The following SEMA6D variants were observed in gnomAD, a reference collection of about 807,000 sequenced individuals.
SEMA6D encodes semaphorin 6D, also known as semaphorin-6D.
Under a neutral mutation model 106.6 loss-of-function variants are expected in SEMA6D, and 35 were observed. The observed-to-expected ratio is 0.33, with a 90% CI of 0.25 to 0.44. The LOEUF is 0.44. Among genes scored for constraint, SEMA6D ranks in the 20% least tolerant of loss-of-function variants. The pLI is 1.00. For synonymous variants in SEMA6D, 499 were observed against 487.7 expected (o/e 1.02, Z -0.31); for missense variants, 1,185 against 1,345.9 (o/e 0.88, Z 1.87).
chr15:47,740,638 G>C (rs561419916), intron 1 of SEMA6D, among the ~76,000 whole-genome samples: 1 of 152,246 alleles, frequency 6.6e-6, no homozygotes, highest in Non-Finnish European at 1.5e-5. Context: ...TTAAAAGAAG[G>C]GTTTCAAAGG....
intron 4 of SEMA6D, among the ~76,000 whole-genome samples, chr15:47,654,398 A>T (rs1044600853): frequency 9.9e-5 from 15 of 152,264 alleles, no homozygotes; most frequent in Non-Finnish European, 2.1e-4. Flanking sequence ...TGTTATCTGT[A>T]TTCTATAGTG....
intron 16 of SEMA6D, 52 bp from the exon 17 acceptor site, chr15:47,766,985 T>C: frequency 9.6e-7 from 1 of 1,041,892 alleles, no homozygotes; most frequent in Non-Finnish European, 1.4e-6. Context: ...CATAAATTTT[T>C]GCTTTCTTTT....
chr15:47,767,170 C>T, intron 17 of SEMA6D, 77 bp downstream of exon 17: 2 of 934,726 alleles, frequency 2.1e-6, no homozygotes, highest in Non-Finnish European at 3.3e-6. Context: ...CTTCTCCCCT[C>T]CTTTTGCGCA....
intron 1 of SEMA6D, among the ~76,000 whole-genome samples, chr15:47,749,068 A>AT (rs2081289806): frequency 7.6e-6 from 1 of 132,048 alleles, no homozygotes; most frequent in Non-Finnish European, 1.6e-5. Flanking sequence ...ATAGTTGTAA[A>AT]TCTTTTTTTT....
intron 3 of SEMA6D, among the ~76,000 whole-genome samples, chr15:47,579,740 A>G (rs1478231949): frequency 1.3e-5 from 2 of 152,172 alleles, no homozygotes; most frequent in African/African-American, 4.8e-5. Context: ...CTGTACTCCA[A>G]TCTAGAAAAC....
At chr15:47,342,711 C>CTATTTTTT (rs1475164853) in intron 1 of SEMA6D, among the ~76,000 whole-genome samples, 3 of 151,874 alleles carry the variant, frequency 2.0e-5, no homozygotes. Context: ...GCTCAAATTA[C>CTATTTTTT]TATTTTTTTA....
At chr15:47,721,783 T>G (rs188951438) in intron 1 of SEMA6D, among the ~76,000 whole-genome samples, 126 of 152,310 alleles carry the variant, frequency 8.3e-4, no homozygotes, top group African/African-American at 2.6e-3. Flanking sequence ...TTTCCTTTTC[T>G]ATTAAGCTTT....
chr15:47,412,827 A>G (rs1421822510), intron 2 of SEMA6D, among the ~76,000 whole-genome samples: 1 of 152,222 alleles, frequency 6.6e-6, no homozygotes, highest in Non-Finnish European at 1.5e-5. Flanking sequence ...GGAGAAAGAA[A>G]GGGAAAATGA....
intron 4 of SEMA6D, among the ~76,000 whole-genome samples, chr15:47,615,098 C>T (rs1225539246): frequency 6.6e-6 from 1 of 152,108 alleles, no homozygotes; most frequent in Admixed American, 6.5e-5. Flanking sequence ...TTTCTTCAAC[C>T]TAATAAAGTT....
chr15:47,443,160 T>C (rs1481243406), intron 2 of SEMA6D, among the ~76,000 whole-genome samples: 1 of 152,054 alleles, frequency 6.6e-6, no homozygotes, highest in East Asian at 1.9e-4. Context: ...CAGATGGTAG[T>C]TTCCAAAAAA....
At chr15:47,533,406 T>C (rs1036324296) in intron 3 of SEMA6D, among the ~76,000 whole-genome samples, 1 of 152,184 alleles carries the variant, frequency 6.6e-6, no homozygotes, top group African/African-American at 2.4e-5. Flanking sequence ...GTAAAACATA[T>C]CATGGAGATT....
chr15:47,588,579 A>G (rs1566913893), intron 3 of SEMA6D, among the ~76,000 whole-genome samples: 1 of 152,218 alleles, frequency 6.6e-6, no homozygotes, highest in Non-Finnish European at 1.5e-5. Flanking sequence ...CGAATTTGAG[A>G]CTACAGAGAG....
At chr15:47,685,413 T>C (rs755563452) in intron 4 of SEMA6D, among the ~76,000 whole-genome samples, 1 of 152,184 alleles carries the variant, frequency 6.6e-6, no homozygotes, top group Non-Finnish European at 1.5e-5. Context: ...GCCTTCCCTT[T>C]CTAGCAAACA....
intron 1 of SEMA6D, among the ~76,000 whole-genome samples, chr15:47,386,936 T>C (rs1430738737): frequency 3.9e-4 from 60 of 152,226 alleles, no homozygotes; most frequent in Non-Finnish European, 2.9e-5. Flanking sequence ...CAATGAAGGA[T>C]GCAGTGGCAA....
At chr15:47,496,067 A>G (rs2043647355) in intron 3 of SEMA6D, among the ~76,000 whole-genome samples, 1 of 152,076 alleles carries the variant, frequency 6.6e-6, no homozygotes, top group Non-Finnish European at 1.5e-5. Context: ...ACAAAACACT[A>G]GGGACTCACC....
At chr15:47,245,395 T>C (rs1463296035) in intron 1 of SEMA6D, among the ~76,000 whole-genome samples, 1 of 152,202 alleles carries the variant, frequency 6.6e-6, no homozygotes, top group Non-Finnish European at 1.5e-5. Flanking sequence ...TCCTCAGTTA[T>C]GAAGTGAAGG....
intron 1 of SEMA6D, among the ~76,000 whole-genome samples, chr15:47,737,295 G>T (rs1471970215): frequency 6.6e-6 from 1 of 151,880 alleles, no homozygotes; most frequent in African/African-American, 2.4e-5. Flanking sequence ...ACTAGTTCTT[G>T]GTTTTATTGA....
chr15:47,548,668 G>A (rs895334424), intron 3 of SEMA6D, among the ~76,000 whole-genome samples: 2 of 151,996 alleles, frequency 1.3e-5, no homozygotes, highest in African/African-American at 4.8e-5. Flanking sequence ...GAGAAACTAG[G>A]GATTTGGTTT....
intron 1 of SEMA6D, among the ~76,000 whole-genome samples, chr15:47,405,595 A>G (rs2040538031): frequency 2.0e-5 from 3 of 152,150 alleles, no homozygotes; most frequent in Admixed American, 1.3e-4. Context: ...TAGCAACAAA[A>G]TTAGTCCTTG....
Sources: allele counts gnomAD v4.1 joint callset (sites outside exome capture counted in the v4.1 genomes callset), GRCh38; gene constraint gnomAD v4.1.1; transcripts MANE v1.5; gene names NCBI Gene and HGNC (gene_info 2026-07-23, HGNC 2026-07-21).